CSMD1: variants seen among roughly 807,000 people sequenced by gnomAD.
CSMD1 encodes the protein CUB and sushi domain-containing protein 1.
Under a neutral mutation model 417.5 loss-of-function variants are expected in CSMD1, and 213 were observed. That is an observed-to-expected ratio of 0.51 (90% CI 0.46 to 0.57). The LOEUF (loss-of-function observed/expected upper bound fraction) is 0.57. Among genes scored for constraint, CSMD1 ranks in the 20% least tolerant of loss-of-function variants. The pLI is 0.00. For synonymous variants in CSMD1, 2,862 were observed against 1,736.8 expected (o/e 1.65, Z -16.11); for missense variants, 6,923 against 4,529.7 (o/e 1.53, Z -15.17).
intron 12 of CSMD1, among the ~76,000 whole-genome samples, chr8:3,464,007 G>A (rs1816664053): frequency 2.0e-5 from 3 of 152,140 alleles, no homozygotes; most frequent in Non-Finnish European, 2.9e-5. Flanking sequence ...ATGAAATGGT[G>A]ATGCTGAAGT....
At chr8:3,093,476 G>A (rs1815092159) in intron 47 of CSMD1, among the ~76,000 whole-genome samples, 1 of 152,112 alleles carries the variant, frequency 6.6e-6, no homozygotes, top group Non-Finnish European at 1.5e-5. Flanking sequence ...AGACCAGCCT[G>A]GCCAATATGG....
chr8:4,787,310 A>G (rs748037101), intron 1 of CSMD1: 18 of 707,290 alleles, frequency 2.5e-5, no homozygotes, highest in African/African-American at 1.6e-4. Context: ...GCGCGGTCGC[A>G]GCCCTCAGCC....
At chr8:3,530,833 G>A (rs1489567035) in intron 10 of CSMD1, among the ~76,000 whole-genome samples, 1 of 150,032 alleles carries the variant, frequency 6.7e-6, no homozygotes, top group Non-Finnish European at 1.5e-5. Context: ...CTGCCCTGCT[G>A]CAGTGAATCT....
intron 1 of CSMD1, among the ~76,000 whole-genome samples, chr8:4,746,077 C>T (rs773627767): frequency 1.3e-5 from 2 of 152,216 alleles, no homozygotes; most frequent in Admixed American, 1.3e-4. Flanking sequence ...GTCAGCCCCT[C>T]ACATCAGAAA....
Position 4,012,546 on chromosome 8 carries a change from T to G in CSMD1, c.611-14436A>C, listed in dbSNP as rs190106477. ...ACACCCAGGTAGTGATCACAGCACC[T>G]GGCAGGTAGTTATTCAACCGTCACC... On this transcript the variant is annotated intron_variant, in intron 4 of 69. Transcript: ENST00000635120. Among the ~76,000 whole-genome samples the G allele has an allele frequency of 7.2e-5, 11 of 152,286 alleles. No homozygotes were observed. In the East Asian group the frequency reaches 2.1e-3, roughly 29 times the overall value.
chr8:3,546,589 C>A (rs77911885), intron 10 of CSMD1, among the ~76,000 whole-genome samples: 5,276 of 151,880 alleles, frequency 0.035, 246 homozygotes, highest in African/African-American at 0.11. Flanking sequence ...CCTCACAGTA[C>A]TGAGCAATTG....
In CSMD1 at chr8:3,399,390, C is replaced by A. The variant is rs753910273; in HGVS notation, c.2405+1G>T. 2 of 1,594,354 alleles carry A rather than the reference C, an allele frequency of 1.3e-6. No individual in the cohort carries two copies. Among genetic ancestry groups the A allele is most frequent in the Non-Finnish European group, 8.5e-7 (1 of 1,171,356 alleles). On this transcript the variant is annotated splice_donor_variant, in intron 16 of 69. Coordinates refer to ENST00000635120, the MANE Select transcript of CSMD1 (RefSeq NM_033225.6). LOFTEE classifies it high-confidence loss of function. ...CAAATGAAGACTAATTTTTTTCTTA[C>A]CTGTCAAAAGTTATTTTGATAGAGT... is the stretch of plus-strand genomic sequence containing the variant.
At chr8:4,678,770 C>G (rs751632746) in intron 1 of CSMD1, among the ~76,000 whole-genome samples, 15 of 152,156 alleles carry the variant, frequency 9.9e-5, no homozygotes, top group Non-Finnish European at 1.9e-4. Context: ...AAAGTTGTCT[C>G]TCGTCTTACC....
chr8:3,968,906 G>C (rs1437813066), intron 5 of CSMD1, among the ~76,000 whole-genome samples: 2 of 152,132 alleles, frequency 1.3e-5, no homozygotes, highest in Admixed American at 6.5e-5. Flanking sequence ...CAGATGTAAT[G>C]ATTTATCTCA....
chr8:3,760,073 G>A (rs1033057646), intron 5 of CSMD1, among the ~76,000 whole-genome samples: 3 of 152,050 alleles, frequency 2.0e-5, no homozygotes, highest in East Asian at 1.9e-4. Context: ...AGGGATATTG[G>A]TGCTTAAAAA....
rs909825636 is a variant in CSMD1 at position 4,012,471 on chromosome 8, G to C, written c.611-14361C>G. Among the ~76,000 whole-genome samples the C allele has an allele frequency of 5.7e-4, 87 of 152,092 alleles. 9 individuals are homozygous for C. The highest frequency in any genetic ancestry group is 1.5e-5 in the Non-Finnish European group (1 of 68,022). On this transcript the variant is annotated intron_variant, in intron 4 of 69. Transcript: ENST00000635120. ...GTTTCAGGGGTACACATGCAGGTTT[G>C]TTACTTGCATAAATCTTGTGTTTCG... is the stretch of plus-strand genomic sequence containing the variant.
chr8:3,971,120 G>A (rs1303393162), intron 5 of CSMD1, among the ~76,000 whole-genome samples: 8 of 152,096 alleles, frequency 5.3e-5, no homozygotes, highest in Admixed American at 2.0e-4. Context: ...CCAACATGGT[G>A]CTGAAATCAC....
At chr8:4,070,587 G>A (rs930594130) in intron 3 of CSMD1, among the ~76,000 whole-genome samples, 2 of 152,076 alleles carry the variant, frequency 1.3e-5, no homozygotes, top group Non-Finnish European at 2.9e-5. Context: ...TCGTTCTCCT[G>A]ACCTCGTGAT....
At chr8:3,483,106 A>T (rs1276621121) in intron 11 of CSMD1, among the ~76,000 whole-genome samples, 1 of 152,132 alleles carries the variant, frequency 6.6e-6, no homozygotes, top group African/African-American at 2.4e-5. Flanking sequence ...AGAAACTAGG[A>T]GGAAGAGTGC....
intron 21 of CSMD1, among the ~76,000 whole-genome samples, chr8:3,356,434 TG>T (rs1808796206): frequency 6.6e-6 from 1 of 152,140 alleles, no homozygotes; most frequent in African/African-American, 2.4e-5. Flanking sequence ...CCCAGCACTT[TG>T]GGAGGCCAAG....
intron 2 of CSMD1, among the ~76,000 whole-genome samples, chr8:4,635,977 G>GA (rs1802791025): frequency 6.6e-6 from 1 of 151,734 alleles, no homozygotes; most frequent in African/African-American, 2.4e-5. Context: ...GAAAGTGGGT[G>GA]AAAAAATGCA....
At position 3,837,909 on chromosome 8, in the gene CSMD1, C is replaced by A. The variant is rs546810495; in HGVS notation, c.819-83867G>T. 1.1e-4 allele frequency among the ~76,000 whole-genome samples: 16 copies of A among 152,242 alleles called. No individual in the cohort carries two copies. The South Asian group carries it at 3.1e-3, about 30-fold the overall frequency. ...TTTTCTTCTGTCACTTGGAAATGCA[C>A]AGATGAATATACTGTTTTTCAAATA... On this transcript the variant is annotated intron_variant, in intron 5 of 69. Coordinates refer to ENST00000635120, the MANE Select transcript of CSMD1 (RefSeq NM_033225.6).
chr8:3,976,164 G>T (rs970435441), intron 5 of CSMD1, among the ~76,000 whole-genome samples: 9 of 151,700 alleles, frequency 5.9e-5, no homozygotes, highest in African/African-American at 1.9e-4. Flanking sequence ...ATAACCTAAG[G>T]TTTCAAATAC....
At chr8:3,059,018 G>A (rs1812413268) in intron 49 of CSMD1, among the ~76,000 whole-genome samples, 1 of 152,048 alleles carries the variant, frequency 6.6e-6, no homozygotes, top group African/African-American at 2.4e-5. Flanking sequence ...AAAGGAGGAT[G>A]TGTTGGTGAT....
Sources: allele counts gnomAD v4.1 joint callset (sites outside exome capture counted in the v4.1 genomes callset), GRCh38; gene constraint gnomAD v4.1.1; transcripts MANE v1.5; gene names NCBI Gene and HGNC (gene_info 2026-07-23, HGNC 2026-07-21).